PLEKHA3: variants seen among roughly 807,000 people sequenced by gnomAD.
The protein encoded by PLEKHA3 is pleckstrin homology domain containing A3.
In PLEKHA3, 19 loss-of-function variants were observed where a neutral mutation model predicts 39.2. The ratio of observed to expected loss-of-function variants is 0.48; its 90% CI spans 0.34 to 0.71. PLEKHA3 has a LOEUF of 0.71. Ranked by LOEUF, PLEKHA3 falls within the 30% of genes least tolerant of loss-of-function variation. The pLI, the probability that PLEKHA3 is intolerant of heterozygous loss-of-function variation, is 0.01. For synonymous variants in PLEKHA3, 97 were observed against 118.6 expected, an observed-to-expected ratio of 0.82 and a Z score of 1.18; for missense variants, 253 against 359.5, an observed-to-expected ratio of 0.70 and a Z score of 2.40.
intron 2 of PLEKHA3, 139 bp from the exon 3 acceptor site, chr2:178,490,520 C>T (rs1410670063): frequency 1.3e-5 from 11 of 837,388 alleles, no homozygotes; most frequent in Non-Finnish European, 1.8e-5. Context: ...CCTCAGGGAG[C>T]AGCACTGCCT....
intron 3 of PLEKHA3, among the ~76,000 whole-genome samples, chr2:178,491,876 G>A (rs1685352707): frequency 6.6e-6 from 1 of 152,116 alleles, no homozygotes; most frequent in Admixed American, 6.5e-5. Flanking sequence ...AAGCGGGTGT[G>A]TGCGGAAAGA....
At chr2:178,491,401 T>G (rs1408265099) in intron 3 of PLEKHA3, among the ~76,000 whole-genome samples, 1 of 152,158 alleles carries the variant, frequency 6.6e-6, no homozygotes, top group African/African-American at 2.4e-5. Context: ...AAATGATCAT[T>G]GAAAAAAGCA....
chr2:178,497,082 A>G (rs1017670113), intron 5 of PLEKHA3, among the ~76,000 whole-genome samples: 8 of 152,098 alleles, frequency 5.3e-5, no homozygotes, highest in Admixed American at 2.0e-4. Context: ...CACCATGCCC[A>G]GCCGTCACAC....
intron 4 of PLEKHA3, 22 bp from the exon 5 acceptor site, chr2:178,495,474 A>C (rs1250212699): frequency 6.2e-7 from 1 of 1,613,166 alleles, no homozygotes; most frequent in South Asian, 1.1e-5. Flanking sequence ...AAATCTGTTC[A>C]AGTCTTTGTG....
At chr2:178,481,089 C>T (rs922078128) in intron 1 of PLEKHA3, among the ~76,000 whole-genome samples, 180 bp downstream of exon 1, 1 of 152,076 alleles carries the variant, frequency 6.6e-6, no homozygotes, top group Non-Finnish European at 1.5e-5. Flanking sequence ...GGCTGCGCAC[C>T]TTCTAGAGGG....
At chr2:178,499,162 TTGACATATGGATTA>T in intron 5 of PLEKHA3, 35 bp from the exon 6 acceptor site, 1 of 1,540,508 alleles carries the variant, frequency 6.5e-7, no homozygotes, top group Non-Finnish European at 8.9e-7. Flanking sequence ...ATGATTCTAC[TTGACATATGGATTA>T]TGCTAATTTT....
chr2:178,508,756 C>T lies in PLEKHA3; in HGVS notation c.*4869C>T, dbSNP rs1685640034. 1 of 153,760 alleles carries T rather than the reference C, an allele frequency of 6.5e-6. No homozygotes were observed. The highest frequency in any genetic ancestry group is 6.5e-5 in the Admixed American group (1 of 15,276). 9.5% of individuals were successfully genotyped at this position (153,760 alleles called of 1,614,324 possible). On this transcript the variant is annotated 3_prime_UTR_variant, in exon 8 of 8. Transcript: ENST00000234453. ...GACTTTTACTTAATCCCTCTATCTT[C>T]ATCCTCTCTCATGCCCATCCGGCCC... is the stretch of plus-strand genomic sequence containing the variant.
rs139384859 is a variant in PLEKHA3, at chr2:178,481,679, A to G, written c.40+770A>G. Among the ~76,000 whole-genome samples the G allele has an allele frequency of 5.1e-3, 776 of 152,294 alleles. 5 individuals are homozygous for G. The highest frequency in any genetic ancestry group is 0.018 in the African/African-American group (738 of 41,564). ...GAGTTGTAGTCCAATCTCTGCCATCAACCAACAATGAAGGCAAGTCAGTTA... is the reference window on the plus strand; with the variant it reads ...GAGTTGTAGTCCAATCTCTGCCATCGACCAACAATGAAGGCAAGTCAGTTA... On this transcript the variant is annotated intron_variant, in intron 1 of 7. Coordinates refer to ENST00000234453, the MANE Select transcript of PLEKHA3 (RefSeq NM_019091.4).
rs1299165393 is a variant in PLEKHA3 at position 178,513,921 on chromosome 2, G to C, written c.*10034G>C. On this transcript the variant is annotated 3_prime_UTR_variant, in exon 8 of 8. Transcript: ENST00000234453. ...ATCTTTTCAGTATTAGAACATTTCTGTTTATGCCCTATTCCAGTGGTATTT... is the reference window on the plus strand; with the variant it reads ...ATCTTTTCAGTATTAGAACATTTCTCTTTATGCCCTATTCCAGTGGTATTT... 6.6e-6 allele frequency: 1 copy of C among 152,060 alleles called. No homozygotes were observed. Among genetic ancestry groups the C allele is most frequent in the Non-Finnish European group, 1.5e-5 (1 of 68,002 alleles). The allele number at this position is 152,060 out of a possible 1,614,324, so 9.4% of individuals were successfully genotyped here.
intron 3 of PLEKHA3, among the ~76,000 whole-genome samples, chr2:178,491,074 G>A (rs527553489): frequency 2.0e-5 from 3 of 147,908 alleles, no homozygotes; most frequent in East Asian, 2.0e-4. Flanking sequence ...GCAATGGCGC[G>A]ATCTCGGCTT....
At chr2:178,490,604 T>A in intron 2 of PLEKHA3, 55 bp from the exon 3 acceptor site, 1 of 1,517,468 alleles carries the variant, frequency 6.6e-7, no homozygotes, top group Non-Finnish European at 9.1e-7. Flanking sequence ...ATTATTTGAT[T>A]ACCCTTAAAT....
chr2:178,490,639 C>T lies in PLEKHA3; in HGVS notation c.158-20C>T, dbSNP rs776375657. ...TTACTTAAGTCTATAACTGTATTTC[C>T]CCTTTGTTTATCATCATAGTTCATT... On this transcript the variant is annotated intron_variant, in intron 2 of 7. Coordinates refer to ENST00000234453, the MANE Select transcript of PLEKHA3 (RefSeq NM_019091.4). The T allele has an allele frequency of 6.8e-6, 11 of 1,605,950 alleles. No homozygotes were observed. The East Asian group carries it at 2.0e-4, about 29-fold the overall frequency.
chr2:178,484,366 C>G (rs1407789792), intron 1 of PLEKHA3, among the ~76,000 whole-genome samples: 2 of 152,178 alleles, frequency 1.3e-5, no homozygotes, highest in Non-Finnish European at 2.9e-5. Context: ...CTTTAGATAT[C>G]TCTCTTTCTG....
In PLEKHA3 at chr2:178,500,181, T is replaced by C. The variant is rs1353588109; in HGVS notation, c.660-880T>C. Among the ~76,000 whole-genome samples, 3 of 152,160 alleles carry C rather than the reference T, an allele frequency of 2.0e-5. No individual in the cohort carries two copies. In the South Asian group the frequency reaches 6.2e-4, roughly 31 times the overall value. ...AGTTCTTTGGAAAGTGATTTAATTA[T>C]AGTGACATTGGCATTTATTTCTCTA... On this transcript the variant is annotated intron_variant, in intron 6 of 7. Transcript: ENST00000234453.
Position 178,508,352 on chromosome 2 carries a change from G to A in PLEKHA3, c.*4465G>A, listed in dbSNP as rs953713054. 3 of 150,970 alleles carry A rather than the reference G, an allele frequency of 2.0e-5. No homozygotes were observed. The highest frequency in any genetic ancestry group is 4.9e-5 in the African/African-American group (2 of 40,994). 9.4% of individuals were successfully genotyped at this position (150,970 alleles called of 1,614,324 possible). A position where few individuals can be genotyped will look rare whatever the true frequency, so the allele number is the denominator to read the frequency against. On this transcript the variant is annotated 3_prime_UTR_variant, in exon 8 of 8. Transcript: ENST00000234453. ...CATAAAAACCTATTTTTATTTTATA[G>A]ATTAACTGTTTCCCCATATCTCCCT...
chr2:178,491,219 C>T (rs1401011770), intron 3 of PLEKHA3, among the ~76,000 whole-genome samples: 1 of 152,104 alleles, frequency 6.6e-6, no homozygotes, highest in African/African-American at 2.4e-5. Flanking sequence ...CCATGCTGGC[C>T]AAGCTGGTCT....
At chr2:178,497,180 C>T (rs937713189) in intron 5 of PLEKHA3, among the ~76,000 whole-genome samples, 3 of 150,670 alleles carry the variant, frequency 2.0e-5, no homozygotes, top group African/African-American at 7.3e-5. Context: ...CAATTGAGCC[C>T]GTTATATATA....
rs1415316556 is a variant in PLEKHA3 at position 178,509,923 on chromosome 2, T to G, written c.*6036T>G. The G allele has an allele frequency of 1.3e-5, 2 of 152,084 alleles. No homozygotes were observed. The highest frequency in any genetic ancestry group is 2.9e-5 in the Non-Finnish European group (2 of 68,034). The allele number at this position is 152,084 out of a possible 1,614,324, so 9.4% of individuals were successfully genotyped here. On this transcript the variant is annotated 3_prime_UTR_variant, in exon 8 of 8. Transcript: ENST00000234453. ...ACAGTCTCTGTCGCCCAGGCCGGAG[T>G]GCAGTGGCGCGATCTTGGCTCACTG...
At position 178,510,931 on chromosome 2, in the gene PLEKHA3, C is replaced by T. The variant is rs1212399223; in HGVS notation, c.*7044C>T. 6.6e-6 allele frequency: 1 copy of T among 151,970 alleles called. No homozygotes were observed. Among genetic ancestry groups the T allele is most frequent in the African/African-American group, 2.4e-5 (1 of 41,378 alleles). 9.4% of individuals were successfully genotyped at this position (151,970 alleles called of 1,614,324 possible). A position where few individuals can be genotyped will look rare whatever the true frequency, so the allele number is the denominator to read the frequency against. On this transcript the variant is annotated 3_prime_UTR_variant, in exon 8 of 8. Transcript: ENST00000234453. The stretch of plus-strand genomic sequence containing the variant: ...GTTCAATTTTTTTAATGGTCTGCTT[C>T]AGATTTTTTTTATAAGTTAATGTTT...
Sources: gnomAD v4.1 joint callset for allele counts (sites outside exome capture counted in the v4.1 genomes callset) on GRCh38, gnomAD v4.1.1 for gene constraint, MANE v1.5 for transcripts, NCBI Gene and HGNC (gene_info 2026-07-23, HGNC 2026-07-21) for gene names.